Variants in GALNT13 observed in about 807,000 individuals in gnomAD.
GALNT13 encodes the protein polypeptide N-acetylgalactosaminyltransferase 13, also known as UDP-GalNAc:polypeptide N-acetylgalactosaminyltransferase 13.
A neutral mutation model predicts 64.2 loss-of-function variants in GALNT13; 28 were observed. The ratio of observed to expected loss-of-function variants is 0.44; its 90% CI spans 0.32 to 0.60. The LOEUF (loss-of-function observed/expected upper bound fraction) is 0.60. Ranked by LOEUF, GALNT13 falls within the 20% of genes least tolerant of loss-of-function variation. The pLI is 0.05. For missense variants in GALNT13, 577 were observed against 669.8 expected (o/e 0.86, Z 1.53); for synonymous variants, 214 against 224.6 (o/e 0.95, Z 0.42).
At chr2:153,362,991 ACTC>A in the GALNT13 span, among the ~76,000 whole-genome samples, 1 of 152,058 alleles carries the variant, frequency 6.6e-6, no homozygotes, top group South Asian at 2.1e-4. Flanking sequence ...GAAGTAAAAC[ACTC>A]CTCAGCAAAT....
the GALNT13 span, among the ~76,000 whole-genome samples, chr2:153,713,974 C>G: frequency 6.6e-6 from 1 of 152,150 alleles, no homozygotes; most frequent in African/African-American, 2.4e-5. Flanking sequence ...ACCCCACTTT[C>G]TCTAGCAATG....
chr2:153,797,929 G>A, the GALNT13 span, among the ~76,000 whole-genome samples: 1 of 152,130 alleles, frequency 6.6e-6, no homozygotes, highest in South Asian at 2.1e-4. Context: ...GAGTAACTCT[G>A]ACATAAGCCC....
chr2:154,024,900 T>A (rs1341243581), intron 3 of GALNT13, among the ~76,000 whole-genome samples: 1 of 152,204 alleles, frequency 6.6e-6, no homozygotes, highest in Non-Finnish European at 1.5e-5. Flanking sequence ...TTTGTTAGTT[T>A]TCCTTCTAAC....
chr2:153,215,177 C>G, the GALNT13 span, among the ~76,000 whole-genome samples: 2 of 151,964 alleles, frequency 1.3e-5, no homozygotes, highest in Non-Finnish European at 2.9e-5. Context: ...TTCAGAAATA[C>G]ATAGTAAAAA....
chr2:153,672,115 A>G, the GALNT13 span, among the ~76,000 whole-genome samples: 877 of 152,256 alleles, frequency 5.8e-3, 11 homozygotes, highest in African/African-American at 0.02. Context: ...AGACTTTAAC[A>G]CCCCACTGTC....
intron 9 of GALNT13, among the ~76,000 whole-genome samples, chr2:154,381,049 C>T (rs1412933814): frequency 6.6e-6 from 1 of 151,954 alleles, no homozygotes; most frequent in Admixed American, 6.6e-5. Flanking sequence ...AAAGTGACAC[C>T]TCATCATTTT....
At chr2:153,668,696 T>A in the GALNT13 span, among the ~76,000 whole-genome samples, 1 of 151,902 alleles carries the variant, frequency 6.6e-6, no homozygotes. Flanking sequence ...AAGGTGTGAG[T>A]TGAATAGGTA....
chr2:153,339,424 A>G, the GALNT13 span, among the ~76,000 whole-genome samples: 1 of 152,168 alleles, frequency 6.6e-6, no homozygotes, highest in Non-Finnish European at 1.5e-5. Flanking sequence ...CTTTGGAGAA[A>G]TATCTATTCA....
At chr2:154,398,231 A>G (rs1171334012) in intron 10 of GALNT13, among the ~76,000 whole-genome samples, 1 of 152,192 alleles carries the variant, frequency 6.6e-6, no homozygotes, top group African/African-American at 2.4e-5. Flanking sequence ...TCATTAGTAA[A>G]CATCGATTCC....
chr2:153,774,989 C>G, the GALNT13 span, among the ~76,000 whole-genome samples: 1 of 152,152 alleles, frequency 6.6e-6, no homozygotes, highest in Non-Finnish European at 1.5e-5. Context: ...CATTCTCTGA[C>G]AGTAGAAAAC....
the GALNT13 span, among the ~76,000 whole-genome samples, chr2:153,531,686 A>G: frequency 6.6e-6 from 1 of 152,316 alleles, no homozygotes; most frequent in South Asian, 2.1e-4. Flanking sequence ...CCTTTTGCCT[A>G]TGAGCCTGTA....
chr2:153,534,062 T>C, the GALNT13 span, among the ~76,000 whole-genome samples: 1 of 152,056 alleles, frequency 6.6e-6, no homozygotes, highest in African/African-American at 2.4e-5. Context: ...TCTATTCTTA[T>C]ATTGCTCATC....
chr2:154,445,925 AAATT>A (rs1435597728), intron 12 of GALNT13: 3 of 611,118 alleles, frequency 4.9e-6, no homozygotes, highest in African/African-American at 1.9e-5. Flanking sequence ...ACAGACAGAT[AAATT>A]AATTAATTAA....
At chr2:154,052,162 T>C (rs1447503862) in intron 3 of GALNT13, among the ~76,000 whole-genome samples, 2 of 152,132 alleles carry the variant, frequency 1.3e-5, no homozygotes, top group African/African-American at 4.8e-5. Context: ...GAGCAGACAC[T>C]TTGTGGTTGT....
At chr2:154,395,736 A>T (rs1006202883) in intron 9 of GALNT13, among the ~76,000 whole-genome samples, 1 of 152,176 alleles carries the variant, frequency 6.6e-6, no homozygotes, top group Non-Finnish European at 1.5e-5. Flanking sequence ...TTAATTAATT[A>T]TTCAATCTAA....
the GALNT13 span, among the ~76,000 whole-genome samples, chr2:153,345,660 T>TTTCTTTCTTTCG: frequency 7.1e-6 from 1 of 139,920 alleles, no homozygotes; most frequent in Non-Finnish European, 1.5e-5. Context: ...TCTTTCTTTC[T>TTTCTTTCTTTCG]TTCTTTCTTT....
intron 1 of GALNT13, among the ~76,000 whole-genome samples, chr2:153,887,150 A>G (rs13007926): frequency 0.2 from 30,530 of 151,726 alleles, 4,030 homozygotes; most frequent in Middle Eastern, 0.34. Context: ...AACTCATTTA[A>G]TTCTTACAGC....
At chr2:154,113,391 G>A (rs1020015307) in intron 3 of GALNT13, among the ~76,000 whole-genome samples, 12 of 152,170 alleles carry the variant, frequency 7.9e-5, no homozygotes, top group Non-Finnish European at 1.5e-4. Context: ...CAGCCTTTCG[G>A]GTCACTTGAT....
chr2:154,236,029 T>C, intron 4 of GALNT13: 1 of 1,222,342 alleles, frequency 8.2e-7, no homozygotes, highest in Non-Finnish European at 1.1e-6. Flanking sequence ...ATTTTTTATA[T>C]ATTTATAAAT....
Sources: allele counts gnomAD v4.1 joint callset (sites outside exome capture counted in the v4.1 genomes callset), GRCh38; gene constraint gnomAD v4.1.1; transcripts MANE v1.5; gene names NCBI Gene and HGNC (gene_info 2026-07-23, HGNC 2026-07-21).